The following AFF3 variants were observed in gnomAD, a reference collection of about 807,000 sequenced individuals.
AFF3 encodes the protein ALF transcription elongation factor 3, also known as AF4/FMR2 family member 3.
Under a neutral mutation model 129.7 loss-of-function variants are expected in AFF3, and 32 were observed. The ratio of observed to expected loss-of-function variants is 0.25; its 90% CI spans 0.19 to 0.33. The LOEUF (loss-of-function observed/expected upper bound fraction) is 0.33. Ranked by LOEUF, AFF3 falls within the 10% of genes least tolerant of loss-of-function variation. The probability of loss-of-function intolerance (pLI) is 1.00; values close to 1 mark genes in which losing one functional copy is unlikely to be tolerated. For synonymous variants in AFF3, 644 were observed against 635.4 expected, an observed-to-expected ratio of 1.01 and a Z score of -0.20; for missense variants, 1,373 against 1,592.0, an observed-to-expected ratio of 0.86 and a Z score of 2.34.
At chr2:99,986,587 C>A (rs1180225989) in intron 7 of AFF3, among the ~76,000 whole-genome samples, 2 of 152,120 alleles carry the variant, frequency 1.3e-5, no homozygotes, top group Non-Finnish European at 2.9e-5. Context: ...AGCAAAGAAG[C>A]TGTTTTAAAC....
chr2:99,908,612 TCAAA>T (rs1694889455), intron 7 of AFF3, among the ~76,000 whole-genome samples: 1 of 151,594 alleles, frequency 6.6e-6, no homozygotes, highest in African/African-American at 2.4e-5. Context: ...TAAAATGAAC[TCAAA>T]CAAATTTACA....
chr2:99,606,083 A>T lies in AFF3; in HGVS notation c.1185-4462T>A, dbSNP rs531080103. Among the ~76,000 whole-genome samples the T allele has an allele frequency of 1.4e-4, 22 of 152,236 alleles. No homozygotes were observed. The South Asian group carries it at 4.6e-3, about 32-fold the overall frequency. ...AAAGATGCTTTAAAAAAATTAACTT[A>T]AGCCTGGGCAGCATAGTGAAACCCT... is the stretch of plus-strand genomic sequence containing the variant. On this transcript the variant is annotated intron_variant, in intron 13 of 24. Transcript: ENST00000672756.
At chr2:99,865,006 C>A (rs539754072) in intron 7 of AFF3, among the ~76,000 whole-genome samples, 1 of 152,130 alleles carries the variant, frequency 6.6e-6, no homozygotes, top group Non-Finnish European at 1.5e-5. Flanking sequence ...TCCTTTAGCA[C>A]TGAATAGAAA....
intron 7 of AFF3, among the ~76,000 whole-genome samples, chr2:100,004,593 G>A (rs559018749): frequency 2.0e-5 from 3 of 152,054 alleles, no homozygotes; most frequent in South Asian, 2.1e-4. Flanking sequence ...GCCTGATTGC[G>A]GATTTTATTG....
chr2:100,008,725 T>C, intron 5 of AFF3, 87 bp downstream of exon 5: 1 of 1,478,432 alleles, frequency 6.8e-7, no homozygotes. Flanking sequence ...TCAAGTTTGG[T>C]CGGCCAATTC....
chr2:99,791,774 C>T (rs1685203948), intron 8 of AFF3, among the ~76,000 whole-genome samples: 1 of 151,684 alleles, frequency 6.6e-6, no homozygotes, highest in African/African-American at 2.4e-5. Context: ...AGCTTTCCTA[C>T]TGTCCTTTTT....
intron 12 of AFF3, among the ~76,000 whole-genome samples, chr2:99,667,809 T>A (rs1035582594): frequency 2.0e-5 from 3 of 152,258 alleles, no homozygotes; most frequent in Middle Eastern, 3.4e-3. Flanking sequence ...ATGAAACAGA[T>A]AATCTAATAG....
At chr2:100,093,553 A>G (rs1423938407) in intron 4 of AFF3, among the ~76,000 whole-genome samples, 3 of 152,350 alleles carry the variant, frequency 2.0e-5, no homozygotes, top group South Asian at 2.1e-4. Context: ...TTCCATTCAT[A>G]TTCAAAGATT....
intron 7 of AFF3, among the ~76,000 whole-genome samples, chr2:99,946,233 G>A (rs1429596705): frequency 6.6e-6 from 1 of 151,932 alleles, no homozygotes. Flanking sequence ...AGCACTTTGG[G>A]AGGCTGAGGC....
intron 8 of AFF3, among the ~76,000 whole-genome samples, chr2:99,836,374 A>G (rs954629645): frequency 6.6e-6 from 1 of 152,226 alleles, no homozygotes; most frequent in Non-Finnish European, 1.5e-5. Context: ...TAGAGACAAT[A>G]TAGATATAAA....
rs904855228 is a variant in AFF3, at chr2:100,106,780, T to A, written c.-144-1197A>T. On this transcript the variant is annotated intron_variant, in intron 2 of 24. Transcript: ENST00000672756. ...GGCCGCTGAAGGACAAACATAACCGTGTTTACTGCGAGTCCCATGCTGGGC... is the reference window on the plus strand; with the variant it reads ...GGCCGCTGAAGGACAAACATAACCGAGTTTACTGCGAGTCCCATGCTGGGC... 3.0e-6 allele frequency: 3 copies of A among 985,384 alleles called. No homozygotes were observed. The African/African-American group carries it at 5.2e-5, about 17-fold the overall frequency. The allele number at this position is 985,384 out of a possible 1,614,324, so 61.0% of individuals were successfully genotyped here.
intron 22 of AFF3, among the ~76,000 whole-genome samples, chr2:99,557,234 C>T (rs1395204881): frequency 6.6e-6 from 1 of 150,542 alleles, no homozygotes; most frequent in Non-Finnish European, 1.5e-5. Flanking sequence ...GGGTAAATGA[C>T]ATTAATTCCT....
intron 1 of AFF3, among the ~76,000 whole-genome samples, chr2:100,130,022 G>A (rs1417094509): frequency 6.6e-6 from 1 of 152,174 alleles, no homozygotes; most frequent in Admixed American, 6.5e-5. Flanking sequence ...TATTGTGCAT[G>A]AAAAGGAGGC....
At chr2:99,807,191 T>C (rs1485396239) in intron 8 of AFF3, among the ~76,000 whole-genome samples, 1 of 152,134 alleles carries the variant, frequency 6.6e-6, no homozygotes, top group Admixed American at 6.5e-5. Context: ...CTCATCAGAT[T>C]AGCTGGTTGT....
intron 13 of AFF3, among the ~76,000 whole-genome samples, chr2:99,602,664 C>T (rs1240883774): frequency 6.6e-6 from 1 of 152,184 alleles, no homozygotes; most frequent in African/African-American, 2.4e-5. Context: ...GTTGAGTCAG[C>T]AAACTGCTTC....
chr2:99,633,578 T>G (rs1683331189), intron 13 of AFF3, among the ~76,000 whole-genome samples: 1 of 152,154 alleles, frequency 6.6e-6, no homozygotes, highest in South Asian at 2.1e-4. Context: ...ACTGTGTGGT[T>G]TTGGGCCTGG....
chr2:99,937,556 G>A (rs993664800), intron 7 of AFF3, among the ~76,000 whole-genome samples: 1 of 152,042 alleles, frequency 6.6e-6, no homozygotes, highest in Non-Finnish European at 1.5e-5. Flanking sequence ...CTGCTACCAC[G>A]CCCAGCTAAT....
intron 8 of AFF3, among the ~76,000 whole-genome samples, chr2:99,758,716 G>T (rs1682329105): frequency 6.6e-6 from 1 of 151,304 alleles, no homozygotes; most frequent in Admixed American, 6.6e-5. Context: ...CATGCATTTT[G>T]TCACTTATGC....
intron 7 of AFF3, among the ~76,000 whole-genome samples, chr2:99,962,461 G>T (rs1180517454): frequency 2.0e-5 from 3 of 152,154 alleles, no homozygotes; most frequent in Admixed American, 1.3e-4. Context: ...GTGTTAAAAT[G>T]ATGACACAAG....
Sources: gnomAD v4.1 joint callset for allele counts (sites outside exome capture counted in the v4.1 genomes callset) on GRCh38, gnomAD v4.1.1 for gene constraint, MANE v1.5 for transcripts, NCBI Gene and HGNC (gene_info 2026-07-23, HGNC 2026-07-21) for gene names.